Variants in CHRM3 observed in about 807,000 individuals in gnomAD.
CHRM3 encodes cholinergic receptor muscarinic 3, also known as muscarinic acetylcholine receptor M3.
CHRM3 carries 11 observed loss-of-function variants against 41.8 expected under a neutral mutation model. That is an observed-to-expected ratio of 0.26 (90% CI 0.17 to 0.44). CHRM3 has a LOEUF of 0.44. CHRM3 is among the 20% of genes least tolerant of loss of function. CHRM3 has a pLI of 1.00. For synonymous variants in CHRM3, 297 were observed against 301.4 expected (o/e 0.99, Z 0.15); for missense variants, 571 against 745.4 (o/e 0.77, Z 2.72).
chr1:239,715,518 T>C (rs1662260067), intron 5 of CHRM3, among the ~76,000 whole-genome samples: 1 of 152,054 alleles, frequency 6.6e-6, no homozygotes, highest in African/African-American at 2.4e-5. Flanking sequence ...GAATACCTTA[T>C]TGAATGCAGA....
At position 239,910,930 on chromosome 1, in the gene CHRM3, T is replaced by A. The variant is rs1425021586; in HGVS notation, c.*1706T>A. On this transcript the variant is annotated 3_prime_UTR_variant, in exon 7 of 7. Coordinates refer to ENST00000676153, the MANE Select transcript of CHRM3 (RefSeq NM_001375978.1). ...ATCTGAACTATTTAATTTCGTGTTA[T>A]GTTTATATGCAGAAATATTTATGGA... is the stretch of plus-strand genomic sequence containing the variant. The A allele has an allele frequency of 6.0e-6, 1 of 167,108 alleles. No individual in the cohort carries two copies. The highest frequency in any genetic ancestry group is 1.9e-4 in the East Asian group (1 of 5,204). The allele number at this position is 167,108 out of a possible 1,614,324, so 10.4% of individuals were successfully genotyped here. A position where few individuals can be genotyped will look rare whatever the true frequency, so the allele number is the denominator to read the frequency against.
chr1:239,532,938 C>T (rs898179082), intron 2 of CHRM3, among the ~76,000 whole-genome samples: 5 of 151,928 alleles, frequency 3.3e-5, no homozygotes, highest in Non-Finnish European at 7.4e-5. Flanking sequence ...CTATTTTTTG[C>T]AAAATGATCC....
intron 6 of CHRM3, among the ~76,000 whole-genome samples, chr1:239,833,695 G>A (rs963866746): frequency 9.2e-5 from 14 of 152,142 alleles, no homozygotes; most frequent in Non-Finnish European, 1.9e-4. Flanking sequence ...CTTGATAACT[G>A]AGTGTAACAG....
chr1:239,692,340 A>G (rs948970838), intron 5 of CHRM3, among the ~76,000 whole-genome samples: 1 of 152,184 alleles, frequency 6.6e-6, no homozygotes, highest in Non-Finnish European at 1.5e-5. Context: ...CTGCTCAGAG[A>G]GATTTCTGTA....
Position 239,409,962 on chromosome 1 carries a change from GAT to G in CHRM3, c.-521+22737_-521+22738del, listed in dbSNP as rs1660941397. On this transcript the variant is annotated intron_variant, in intron 1 of 6. Coordinates refer to ENST00000676153, the MANE Select transcript of CHRM3 (RefSeq NM_001375978.1). ...TCTCAACAAAAACAAACAAAAAAAA[GAT>G]AGCAGAATGCTTGGGCTTGGTAACC... 7.9e-5 allele frequency among the ~76,000 whole-genome samples: 12 copies of G among 152,198 alleles called. No homozygotes were observed. The South Asian group carries it at 2.5e-3, about 32-fold the overall frequency.
At chr1:239,672,418 A>C (rs977834253) in intron 4 of CHRM3, among the ~76,000 whole-genome samples, 2 of 152,178 alleles carry the variant, frequency 1.3e-5, no homozygotes, top group African/African-American at 4.8e-5. Flanking sequence ...TTACTAGGTC[A>C]AGAAAATGCA....
intron 6 of CHRM3, among the ~76,000 whole-genome samples, chr1:239,852,386 A>G (rs550783269): frequency 1.7e-4 from 26 of 152,248 alleles, no homozygotes; most frequent in African/African-American, 6.0e-4. Flanking sequence ...GTTCCTTTCA[A>G]TATAATGGTC....
chr1:239,462,002 TA>T (rs1403150645), intron 1 of CHRM3, among the ~76,000 whole-genome samples: 2 of 152,198 alleles, frequency 1.3e-5, no homozygotes, highest in Non-Finnish European at 2.9e-5. Context: ...CCTTGGGTAA[TA>T]CCGCTTCTCT....
At chr1:239,541,763 T>C (rs2148392923) in intron 2 of CHRM3, among the ~76,000 whole-genome samples, 1 of 152,330 alleles carries the variant, frequency 6.6e-6, no homozygotes, top group South Asian at 2.1e-4. Flanking sequence ...TCCACCTGCC[T>C]TGGCCTCCCG....
At chr1:239,838,462 A>G (rs1454234571) in intron 6 of CHRM3, among the ~76,000 whole-genome samples, 3 of 152,318 alleles carry the variant, frequency 2.0e-5, no homozygotes, top group African/African-American at 7.2e-5. Flanking sequence ...GTCAAACAAC[A>G]CATGGCAAAC....
At chr1:239,784,709 G>A (rs942741581) in intron 5 of CHRM3, among the ~76,000 whole-genome samples, 1 of 151,922 alleles carries the variant, frequency 6.6e-6, no homozygotes, top group Non-Finnish European at 1.5e-5. Context: ...TTTTTCTAAC[G>A]CTTTTCCTTT....
intron 5 of CHRM3, among the ~76,000 whole-genome samples, chr1:239,763,381 AAT>A: frequency 1.3e-5 from 2 of 152,356 alleles, no homozygotes; most frequent in African/African-American, 4.8e-5. Context: ...ATGAATATAT[AAT>A]ATCATTTAAA....
chr1:239,880,137 C>G (rs571849360), intron 6 of CHRM3, among the ~76,000 whole-genome samples: 1 of 152,168 alleles, frequency 6.6e-6, no homozygotes, highest in Non-Finnish European at 1.5e-5. Flanking sequence ...CAAGGCAATC[C>G]GAGGCATAGA....
rs149532750 is a variant in CHRM3 at position 239,799,362 on chromosome 1, G to C, written c.-146-27890G>C. On this transcript the variant is annotated intron_variant, in intron 5 of 6. Coordinates refer to ENST00000676153, the MANE Select transcript of CHRM3 (RefSeq NM_001375978.1). ...GATGATGGGCAGGAAAAGGACCAATGCATCATAAATGCCTTCAAGGAGCAT... is the reference window on the plus strand; with the variant it reads ...GATGATGGGCAGGAAAAGGACCAATCCATCATAAATGCCTTCAAGGAGCAT... 1.7e-3 allele frequency among the ~76,000 whole-genome samples: 256 copies of C among 152,252 alleles called. 1 individual carries two copies. Among genetic ancestry groups the C allele is most frequent in the African/African-American group, 5.8e-3 (242 of 41,532 alleles).
intron 3 of CHRM3, among the ~76,000 whole-genome samples, chr1:239,599,174 A>G (rs1404427978): frequency 6.6e-6 from 1 of 152,160 alleles, no homozygotes; most frequent in Non-Finnish European, 1.5e-5. Flanking sequence ...GCCAACTGCA[A>G]CAGAGATTCT....
chr1:239,488,205 A>C (rs919060908), intron 1 of CHRM3, among the ~76,000 whole-genome samples: 3 of 152,214 alleles, frequency 2.0e-5, no homozygotes, highest in Non-Finnish European at 2.9e-5. Flanking sequence ...CACACAAAGA[A>C]TCTACCAACA....
chr1:239,764,921 G>A (rs529473796), intron 5 of CHRM3, among the ~76,000 whole-genome samples: 2 of 152,334 alleles, frequency 1.3e-5, no homozygotes, highest in South Asian at 4.1e-4. Context: ...ATTTAGTCAC[G>A]CAGTTGACTG....
chr1:239,591,411 C>G (rs530634704), intron 3 of CHRM3, among the ~76,000 whole-genome samples: 1 of 152,262 alleles, frequency 6.6e-6, no homozygotes, highest in East Asian at 1.9e-4. Flanking sequence ...ACTTCATTGT[C>G]TTGCCTATAG....
chr1:239,815,343 C>T (rs971540423), intron 5 of CHRM3, among the ~76,000 whole-genome samples: 8 of 152,198 alleles, frequency 5.3e-5, no homozygotes, highest in African/African-American at 1.9e-4. Context: ...GGCATTTAAA[C>T]TCTCATCCTT....
Sources: gnomAD v4.1 joint callset for allele counts (sites outside exome capture counted in the v4.1 genomes callset) on GRCh38, gnomAD v4.1.1 for gene constraint, MANE v1.5 for transcripts, NCBI Gene and HGNC (gene_info 2026-07-23, HGNC 2026-07-21) for gene names.